The following FAM13A variants were observed in gnomAD, a reference collection of about 807,000 sequenced individuals.
FAM13A encodes the protein protein FAM13A.
FAM13A carries 76 observed loss-of-function variants against 129.6 expected under a neutral mutation model. That is an observed-to-expected ratio of 0.59 (90% CI 0.49 to 0.71). The LOEUF (loss-of-function observed/expected upper bound fraction) is 0.71, where lower values mean the gene tolerates loss of function less well. Among genes scored for constraint, FAM13A ranks in the 30% least tolerant of loss-of-function variants. The pLI, the probability that FAM13A is intolerant of heterozygous loss-of-function variation, is 0.00. For missense variants in FAM13A, 1,108 were observed against 1,249.3 expected (o/e 0.89, Z 1.70); for synonymous variants, 443 against 449.9 (o/e 0.98, Z 0.20).
intron 4 of FAM13A, 138 bp downstream of exon 4, chr4:88,990,835 A>G (rs751301459): frequency 8.3e-5 from 49 of 593,320 alleles, no homozygotes; most frequent in Non-Finnish European, 7.8e-5. Context: ...AACATGCCCA[A>G]GAACAAGATA....
intron 1 of FAM13A, among the ~76,000 whole-genome samples, chr4:89,049,837 A>G (rs1328623994): frequency 3.3e-5 from 5 of 152,300 alleles, no homozygotes; most frequent in East Asian, 1.9e-4. Context: ...AAAATGTTTT[A>G]CAGTCATGTC....
At chr4:88,950,884 A>G (rs1756837071) in intron 4 of FAM13A, among the ~76,000 whole-genome samples, 1 of 152,246 alleles carries the variant, frequency 6.6e-6, no homozygotes, top group African/African-American at 2.4e-5. Flanking sequence ...TATGGCCAAC[A>G]GCTGTTATTA....
intron 6 of FAM13A, among the ~76,000 whole-genome samples, chr4:88,873,615 C>T (rs1741824493): frequency 6.6e-6 from 1 of 152,156 alleles, no homozygotes; most frequent in African/African-American, 2.4e-5. Flanking sequence ...GCTGAATAGA[C>T]CAATAACAGC....
At chr4:88,966,560 T>G (rs982622510) in intron 4 of FAM13A, among the ~76,000 whole-genome samples, 1 of 152,176 alleles carries the variant, frequency 6.6e-6, no homozygotes, top group Non-Finnish European at 1.5e-5. Context: ...AGCTATTTTA[T>G]TTTTTTCATT....
At chr4:89,016,820 A>C (rs1006003736) in intron 3 of FAM13A, among the ~76,000 whole-genome samples, 1 of 152,100 alleles carries the variant, frequency 6.6e-6, no homozygotes. Flanking sequence ...TTTTCTGTAG[A>C]GATGCGGTTT....
intron 3 of FAM13A, among the ~76,000 whole-genome samples, chr4:89,006,363 T>G (rs1765005585): frequency 6.6e-6 from 1 of 152,158 alleles, no homozygotes; most frequent in South Asian, 2.1e-4. Context: ...TATTCCAAGT[T>G]CTTTAGTATC....
intron 19 of FAM13A, among the ~76,000 whole-genome samples, chr4:88,739,994 TG>T (rs1739891655): frequency 6.6e-6 from 1 of 152,124 alleles, no homozygotes; most frequent in African/African-American, 2.4e-5. Context: ...CTCCAGGCAG[TG>T]GGGAGGAATC....
At chr4:88,807,109 T>G (rs778784151) in intron 7 of FAM13A, among the ~76,000 whole-genome samples, 86 of 152,214 alleles carry the variant, frequency 5.6e-4, no homozygotes, top group Admixed American at 1.1e-3. Flanking sequence ...TACTCTAACA[T>G]GTAGCAAACT....
chr4:88,872,028 T>G (rs901259017), intron 6 of FAM13A, among the ~76,000 whole-genome samples: 4 of 152,164 alleles, frequency 2.6e-5, no homozygotes, highest in African/African-American at 7.2e-5. Flanking sequence ...ACCCAGAATT[T>G]CATATCCAGC....
intron 2 of FAM13A, among the ~76,000 whole-genome samples, chr4:89,026,901 CAT>C (rs1229918672): frequency 3.3e-5 from 5 of 152,140 alleles, no homozygotes; most frequent in African/African-American, 9.7e-5. Context: ...AATAATCTGC[CAT>C]AGAGTCCCTG....
intron 7 of FAM13A, chr4:88,823,392 T>TTC: frequency 1.1e-6 from 1 of 934,430 alleles, no homozygotes; most frequent in Non-Finnish European, 1.3e-6. Context: ...CTCCTCCTCC[T>TTC]TCTCTCCTCC....
intron 7 of FAM13A, among the ~76,000 whole-genome samples, chr4:88,836,077 A>C (rs543852443): frequency 6.6e-6 from 1 of 152,316 alleles, no homozygotes; most frequent in African/African-American, 2.4e-5. Flanking sequence ...ACAAGATTAA[A>C]GTTAAACACA....
intron 6 of FAM13A, among the ~76,000 whole-genome samples, chr4:88,862,622 C>A (rs1156719858): frequency 2.0e-5 from 3 of 152,156 alleles, no homozygotes; most frequent in African/African-American, 7.2e-5. Context: ...AATATAAGGC[C>A]CTGGATTACA....
chr4:88,960,252 C>T (rs756579166), intron 4 of FAM13A, among the ~76,000 whole-genome samples: 9 of 152,182 alleles, frequency 5.9e-5, no homozygotes, highest in African/African-American at 9.7e-5. Context: ...GTTATTGTCA[C>T]TATGTGTTTC....
At chr4:89,030,503 A>G (rs1249437150) in intron 1 of FAM13A, among the ~76,000 whole-genome samples, 1 of 152,184 alleles carries the variant, frequency 6.6e-6, no homozygotes, top group Non-Finnish European at 1.5e-5. Context: ...ATTTGGGGGC[A>G]GAGGCAGTAA....
intron 7 of FAM13A, among the ~76,000 whole-genome samples, chr4:88,813,996 T>C (rs1578782203): frequency 6.6e-6 from 1 of 152,098 alleles, no homozygotes; most frequent in African/African-American, 2.4e-5. Flanking sequence ...AATGGAAACC[T>C]GAAATTTGAT....
intron 4 of FAM13A, among the ~76,000 whole-genome samples, chr4:88,947,262 T>C (rs1006732963): frequency 2.0e-4 from 31 of 151,982 alleles, no homozygotes; most frequent in African/African-American, 6.8e-4. Flanking sequence ...ATATAAAAAC[T>C]TAGTCGGGCG....
intron 4 of FAM13A, among the ~76,000 whole-genome samples, chr4:88,941,928 G>T (rs561550963): frequency 6.6e-6 from 1 of 152,216 alleles, no homozygotes; most frequent in South Asian, 2.1e-4. Flanking sequence ...ATTACTGCAG[G>T]GGGGCTCTTT....
chr4:89,030,186 T>G (rs1040175864), intron 1 of FAM13A, among the ~76,000 whole-genome samples: 5 of 152,160 alleles, frequency 3.3e-5, no homozygotes, highest in African/African-American at 1.2e-4. Flanking sequence ...GAACATAATA[T>G]CAACTCAGTT....
Sources: gnomAD v4.1 joint callset for allele counts (sites outside exome capture counted in the v4.1 genomes callset) on GRCh38, gnomAD v4.1.1 for gene constraint, MANE v1.5 for transcripts, NCBI Gene and HGNC (gene_info 2026-07-23, HGNC 2026-07-21) for gene names.